CNIH3: variants seen among roughly 807,000 people sequenced by gnomAD.
CNIH3 encodes the protein cornichon family AMPA receptor auxiliary protein 3, also known as protein cornichon homolog 3.
A neutral mutation model predicts 24.1 loss-of-function variants in CNIH3; 14 were observed. The observed-to-expected ratio is 0.58, with a 90% CI of 0.38 to 0.91. The LOEUF (loss-of-function observed/expected upper bound fraction) is 0.91. CNIH3 is among the 40% of genes least tolerant of loss of function. CNIH3 has a pLI of 0.00. For synonymous variants in CNIH3, 68 were observed against 73.8 expected, an observed-to-expected ratio of 0.92 and a Z score of 0.40; for missense variants, 178 against 196.8, an observed-to-expected ratio of 0.90 and a Z score of 0.57.
intron 1 of CNIH3, among the ~76,000 whole-genome samples, chr1:224,671,643 T>C (rs935271074): frequency 2.6e-5 from 4 of 152,238 alleles, no homozygotes; most frequent in African/African-American, 9.6e-5. Context: ...TCACATCATT[T>C]GGGATATTAT....
At chr1:224,662,224 A>G (rs1232905413) in intron 1 of CNIH3, among the ~76,000 whole-genome samples, 1 of 152,248 alleles carries the variant, frequency 6.6e-6, no homozygotes, top group Non-Finnish European at 1.5e-5. Context: ...GTTCACTTAT[A>G]GCAATTATAC....
At chr1:224,474,283 G>A (rs1392414244) in intron 1 of CNIH3, among the ~76,000 whole-genome samples, 1 of 151,592 alleles carries the variant, frequency 6.6e-6, no homozygotes, top group East Asian at 1.9e-4. Context: ...AGAATCACTT[G>A]CACCCAGGAG....
chr1:224,468,649 C>G (rs923017823), intron 1 of CNIH3, among the ~76,000 whole-genome samples: 1 of 151,668 alleles, frequency 6.6e-6, no homozygotes, highest in South Asian at 2.1e-4. Flanking sequence ...GTTTTTCTTT[C>G]TTTATTGCAT....
intron 1 of CNIH3, among the ~76,000 whole-genome samples, chr1:224,669,069 C>T (rs1685738552): frequency 6.6e-6 from 1 of 152,186 alleles, no homozygotes; most frequent in South Asian, 2.1e-4. Flanking sequence ...AGGGCCTTCT[C>T]ATTCCCTTCT....
At chr1:224,723,184 G>A (rs542986485) in intron 3 of CNIH3, among the ~76,000 whole-genome samples, 3 of 152,290 alleles carry the variant, frequency 2.0e-5, no homozygotes, top group South Asian at 2.1e-4. Flanking sequence ...AGCAGAGCCC[G>A]GTGCAGTCCA....
chr1:224,539,137 C>G (rs909965063), downstream of CNIH3, among the ~76,000 whole-genome samples: 1 of 152,138 alleles, frequency 6.6e-6, no homozygotes, highest in African/African-American at 2.4e-5. Flanking sequence ...TCTTCCGTAA[C>G]TAAAACTTAG....
intron 4 of CNIH3, among the ~76,000 whole-genome samples, chr1:224,571,066 A>G (rs1208128546): frequency 2.6e-5 from 4 of 152,198 alleles, no homozygotes; most frequent in African/African-American, 7.2e-5. Context: ...TGCCTCCACT[A>G]TCTTAATTCC....
At chr1:224,659,253 C>G (rs1318304461) in intron 1 of CNIH3, among the ~76,000 whole-genome samples, 1 of 152,144 alleles carries the variant, frequency 6.6e-6, no homozygotes, top group Non-Finnish European at 1.5e-5. Flanking sequence ...GGAGTAGGTG[C>G]CTTTTTCAGA....
downstream of CNIH3, among the ~76,000 whole-genome samples, chr1:224,590,011 G>T (rs1325083999): frequency 2.0e-5 from 3 of 152,098 alleles, no homozygotes; most frequent in East Asian, 5.8e-4. Flanking sequence ...CCTGTAGATG[G>T]GATTACAGGC....
intron 1 of CNIH3, among the ~76,000 whole-genome samples, chr1:224,670,269 G>A (rs1274232768): frequency 6.6e-6 from 1 of 152,220 alleles, no homozygotes; most frequent in Non-Finnish European, 1.5e-5. Context: ...GCTATGCAAG[G>A]ACTTAGAAGA....
intron 4 of CNIH3, among the ~76,000 whole-genome samples, chr1:224,577,245 G>T (rs1681073570): frequency 6.6e-6 from 1 of 152,096 alleles, no homozygotes; most frequent in South Asian, 2.1e-4. Context: ...CACAGCAAAA[G>T]AAATAATCAA....
intron 1 of CNIH3, among the ~76,000 whole-genome samples, chr1:224,439,526 G>A (rs1389017385): frequency 6.6e-6 from 1 of 151,310 alleles, no homozygotes; most frequent in East Asian, 1.9e-4. Context: ...CAGCACTTTT[G>A]CAGTATGGGC....
At chr1:224,639,159 C>T (rs1558240968) in intron 1 of CNIH3, among the ~76,000 whole-genome samples, 1 of 152,236 alleles carries the variant, frequency 6.6e-6, no homozygotes, top group Non-Finnish European at 1.5e-5. Flanking sequence ...TCATGGGAGG[C>T]TCAGTACATA....
rs570659598 is a variant in CNIH3 at position 224,680,811 on chromosome 1, C to T, written c.82-147C>T. 103 of 645,678 alleles carry T rather than the reference C, an allele frequency of 1.6e-4. 1 individual carries two copies. Among genetic ancestry groups the T allele is most frequent in the African/African-American group, 1.5e-3 (84 of 55,400 alleles). The allele number at this position is 645,678 out of a possible 1,614,324, so 40.0% of individuals were successfully genotyped here. On this transcript the variant is annotated intron_variant, in intron 1 of 5. Coordinates refer to ENST00000272133, the MANE Select transcript of CNIH3 (RefSeq NM_152495.2). ...AACCCCATGTGCTTATTGCCAGCTT[C>T]GACAGTGACCAGCTGCTGGCCAATC...
intron 3 of CNIH3, among the ~76,000 whole-genome samples, chr1:224,729,577 T>G (rs934490673): frequency 6.6e-6 from 1 of 151,824 alleles, no homozygotes; most frequent in Non-Finnish European, 1.5e-5. Context: ...TGTATCTATA[T>G]CTCCCTATAT....
At chr1:224,486,432 G>T (rs1223257038) in intron 1 of CNIH3, among the ~76,000 whole-genome samples, 1 of 152,148 alleles carries the variant, frequency 6.6e-6, no homozygotes, top group African/African-American at 2.4e-5. Context: ...CTTAAGTGCA[G>T]CCTGTAGCTT....
downstream of CNIH3, among the ~76,000 whole-genome samples, chr1:224,537,945 A>T (rs1267498591): frequency 1.3e-5 from 2 of 151,396 alleles, no homozygotes; most frequent in Non-Finnish European, 2.9e-5. Flanking sequence ...AATCAGACAC[A>T]TTATTATTAT....
In CNIH3 at chr1:224,495,032, G is replaced by A. The variant is rs528216691; in HGVS notation, n.204-20709G>A. On this transcript the variant is annotated intron_variant and non_coding_transcript_variant, in intron 1 of 5. Coordinates refer to the CNIH3 transcript ENST00000471578. ...AATACACACACATGTACTCATACAC[G>A]CATGCACACATGCACACACACACAC... 4.1e-4 allele frequency among the ~76,000 whole-genome samples: 63 copies of A among 152,162 alleles called. No individual in the cohort carries two copies. The South Asian group carries it at 9.1e-3, about 22-fold the overall frequency.
chr1:224,649,755 A>C (rs747117932), intron 1 of CNIH3, among the ~76,000 whole-genome samples: 1 of 152,168 alleles, frequency 6.6e-6, no homozygotes, highest in Non-Finnish European at 1.5e-5. Context: ...GGTCCACCAA[A>C]TGCAGGGTCT....
Sources: gnomAD v4.1 joint callset for allele counts (sites outside exome capture counted in the v4.1 genomes callset) on GRCh38, gnomAD v4.1.1 for gene constraint, MANE v1.5 for transcripts, NCBI Gene and HGNC (gene_info 2026-07-23, HGNC 2026-07-21) for gene names.